MAGI1: variants seen among roughly 807,000 people sequenced by gnomAD.
MAGI1 encodes membrane-associated guanylate kinase, WW and PDZ domain-containing protein 1.
A neutral mutation model predicts 139.9 loss-of-function variants in MAGI1; 58 were observed. The observed-to-expected ratio is 0.41, with a 90% CI of 0.34 to 0.52. The LOEUF (loss-of-function observed/expected upper bound fraction) is 0.52. Ranked by LOEUF, MAGI1 falls within the 20% of genes least tolerant of loss-of-function variation. The pLI, the probability that MAGI1 is intolerant of heterozygous loss-of-function variation, is 0.12. For synonymous variants in MAGI1, 812 were observed against 737.9 expected, an observed-to-expected ratio of 1.10 and a Z score of -1.63; for missense variants, 1,874 against 1,901.6, an observed-to-expected ratio of 0.99 and a Z score of 0.27.
Position 65,718,607 on chromosome 3 carries a change from G to A in MAGI1, c.314-96519C>T, listed in dbSNP as rs375277899. 2.5e-4 allele frequency: 38 copies of A among 152,152 alleles called. No homozygotes were observed. The East Asian group carries it at 5.2e-3, about 21-fold the overall frequency. 9.4% of individuals were successfully genotyped at this position (152,152 alleles called of 1,614,324 possible). ...TTTCATGACTCTGGTATAAACAGCC[G>A]AAGTAGCCTGTGATGAAAGATGACA... On this transcript the variant is annotated intron_variant, in intron 1 of 22. Coordinates refer to ENST00000402939, the MANE Select transcript of MAGI1 (RefSeq NM_001033057.2).
chr3:65,568,639 G>C (rs559811332), intron 2 of MAGI1, among the ~76,000 whole-genome samples: 1 of 152,294 alleles, frequency 6.6e-6, no homozygotes, highest in Admixed American at 6.5e-5. Context: ...CGCCTGCTCT[G>C]GGCAAAACCT....
At chr3:65,755,497 C>G (rs1260834813) in intron 1 of MAGI1, among the ~76,000 whole-genome samples, 2 of 150,810 alleles carry the variant, frequency 1.3e-5, no homozygotes, top group African/African-American at 4.9e-5. Context: ...ACTTCGGGGG[C>G]AAGGGAACAG....
chr3:65,526,996 A>C (rs115918727), intron 2 of MAGI1, among the ~76,000 whole-genome samples: 2,647 of 152,350 alleles, frequency 0.017, 32 homozygotes, highest in Non-Finnish European at 0.026. Flanking sequence ...AAGCAAAGAA[A>C]GCAGGCTTTA....
intron 1 of MAGI1, among the ~76,000 whole-genome samples, chr3:65,839,784 C>T (rs949629788): frequency 2.0e-5 from 3 of 152,136 alleles, no homozygotes; most frequent in Admixed American, 2.0e-4. Context: ...TTTTGCTACA[C>T]AGAAGACCTG....
intron 2 of MAGI1, among the ~76,000 whole-genome samples, chr3:65,615,386 G>A (rs1284109233): frequency 1.3e-5 from 2 of 152,192 alleles, no homozygotes; most frequent in Admixed American, 6.5e-5. Context: ...GAGTCCCCAA[G>A]AGAAGAGGAA....
intron 1 of MAGI1, among the ~76,000 whole-genome samples, chr3:65,841,947 T>G (rs1553715787): frequency 1.3e-5 from 2 of 152,220 alleles, no homozygotes; most frequent in Non-Finnish European, 2.9e-5. Context: ...AACAGGATCC[T>G]TATCTATTTT....
At chr3:65,543,386 C>A (rs912107662) in intron 2 of MAGI1, among the ~76,000 whole-genome samples, 1 of 152,118 alleles carries the variant, frequency 6.6e-6, no homozygotes, top group African/African-American at 2.4e-5. Flanking sequence ...CTTGACCCAG[C>A]AATGTTATTA....
At chr3:65,841,913 G>A (rs1230189065) in intron 1 of MAGI1, among the ~76,000 whole-genome samples, 2 of 152,062 alleles carry the variant, frequency 1.3e-5, no homozygotes, top group East Asian at 3.9e-4. Context: ...AATGCCTAAG[G>A]CGCAACTGGG....
At chr3:66,025,277 G>A (rs914194789) in intron 1 of MAGI1, among the ~76,000 whole-genome samples, 4 of 152,128 alleles carry the variant, frequency 2.6e-5, no homozygotes, top group East Asian at 1.9e-4. Flanking sequence ...AGTGGCCCAC[G>A]CCTGTAATCC....
At chr3:65,496,463 A>G (rs773637766) in intron 2 of MAGI1, among the ~76,000 whole-genome samples, 5 of 152,210 alleles carry the variant, frequency 3.3e-5, no homozygotes, top group Non-Finnish European at 5.9e-5. Flanking sequence ...GTCCAGGTGA[A>G]TGGTAATCAA....
intron 2 of MAGI1, among the ~76,000 whole-genome samples, chr3:65,584,277 A>G (rs973507412): frequency 1.3e-5 from 2 of 152,164 alleles, no homozygotes; most frequent in African/African-American, 4.8e-5. Context: ...AGGCTCTGAC[A>G]GTACCCTGCC....
chr3:65,879,013 C>A (rs910738560), intron 1 of MAGI1, among the ~76,000 whole-genome samples: 1 of 152,154 alleles, frequency 6.6e-6, no homozygotes, highest in African/African-American at 2.4e-5. Context: ...TTGCAGTGAT[C>A]AAAGTCAATA....
At chr3:66,011,174 C>G (rs930479527) in intron 1 of MAGI1, among the ~76,000 whole-genome samples, 4 of 152,268 alleles carry the variant, frequency 2.6e-5, no homozygotes, top group African/African-American at 9.6e-5. Context: ...GTTGGAGATA[C>G]CAGAGGAAGC....
intron 1 of MAGI1, among the ~76,000 whole-genome samples, chr3:65,647,543 C>G (rs2085331733): frequency 6.6e-6 from 1 of 152,018 alleles, no homozygotes; most frequent in Non-Finnish European, 1.5e-5. Flanking sequence ...TATATGAAAA[C>G]AATATACACT....
chr3:65,817,618 T>G (rs1406875744), intron 1 of MAGI1, among the ~76,000 whole-genome samples: 1 of 152,180 alleles, frequency 6.6e-6, no homozygotes, highest in African/African-American at 2.4e-5. Flanking sequence ...GGTTAACAAC[T>G]GAGTAGTGTT....
chr3:65,722,610 G>A (rs1220460316), intron 1 of MAGI1, among the ~76,000 whole-genome samples: 1 of 152,200 alleles, frequency 6.6e-6, no homozygotes, highest in Non-Finnish European at 1.5e-5. Flanking sequence ...TCCAGCCTGG[G>A]CCATAGAGCG....
At position 65,374,988 on chromosome 3, in the gene MAGI1, T is replaced by C. The variant is rs530064301; in HGVS notation, c.3196+757A>G. ...TCTCCCATTAAATGAAAAACTTTGATATATTCACTTATTCTAAAAAACCAT... is the reference window on the plus strand; with the variant it reads ...TCTCCCATTAAATGAAAAACTTTGACATATTCACTTATTCTAAAAAACCAT... On this transcript the variant is annotated intron_variant, in intron 18 of 22. Transcript: ENST00000402939. 2.1e-3 allele frequency among the ~76,000 whole-genome samples: 313 copies of C among 152,320 alleles called. 2 individuals are homozygous for C. Among genetic ancestry groups the C allele is most frequent in the Middle Eastern group, 0.01 (3 of 294 alleles).
intron 1 of MAGI1, among the ~76,000 whole-genome samples, chr3:65,626,954 T>C (rs1485025648): frequency 6.6e-6 from 1 of 152,230 alleles, no homozygotes; most frequent in Non-Finnish European, 1.5e-5. Flanking sequence ...GAAGACAGTT[T>C]GTCATAGCAT....
chr3:65,801,055 T>C lies in MAGI1; in HGVS notation c.314-178967A>G, dbSNP rs183678507. The stretch of plus-strand genomic sequence containing the variant: ...TGTCACTTTATATTTATTTGCAAAT[T>C]GTCAAGCACCATTGGTTTATATTTG... On this transcript the variant is annotated intron_variant, in intron 1 of 22. Coordinates refer to ENST00000402939, the MANE Select transcript of MAGI1 (RefSeq NM_001033057.2). Among the ~76,000 whole-genome samples, 6 of 152,330 alleles carry C rather than the reference T, an allele frequency of 3.9e-5. No individual in the cohort carries two copies. The East Asian group carries it at 1.2e-3, about 29-fold the overall frequency.
Sources: gnomAD v4.1 joint callset for allele counts (sites outside exome capture counted in the v4.1 genomes callset) on GRCh38, gnomAD v4.1.1 for gene constraint, MANE v1.5 for transcripts, NCBI Gene and HGNC (gene_info 2026-07-23, HGNC 2026-07-21) for gene names.